Variants in LOXHD1 observed in about 807,000 individuals in gnomAD.
LOXHD1 encodes the protein lipoxygenase homology PLAT domains 1, also known as lipoxygenase homology domain-containing protein 1.
A neutral mutation model predicts 248.2 loss-of-function variants in LOXHD1; 205 were observed. That is an observed-to-expected ratio of 0.83 (90% CI 0.74 to 0.93). The LOEUF (loss-of-function observed/expected upper bound fraction) is 0.93, where lower values mean the gene tolerates loss of function less well. LOXHD1 is among the 40% of genes least tolerant of loss of function. The pLI, the probability that LOXHD1 is intolerant of heterozygous loss-of-function variation, is 0.00. For missense variants in LOXHD1, 2,930 were observed against 2,971.6 expected (o/e 0.99, Z 0.33); for synonymous variants, 1,113 against 1,162.8 (o/e 0.96, Z 0.87).
In LOXHD1 at chr18:46,534,252, G is replaced by A. The variant is rs1598937720; in HGVS notation, c.4212+83C>T. 7.9e-6 allele frequency: 7 copies of A among 886,716 alleles called. No homozygotes were observed. In the East Asian group the frequency reaches 1.3e-4, roughly 17 times the overall value. 54.9% of individuals were successfully genotyped at this position (886,716 alleles called of 1,614,324 possible). A position where few individuals can be genotyped will look rare whatever the true frequency, so the allele number is the denominator to read the frequency against. ...TATCTCAATAAGGCTGATCTAGCCAGTAGGTCCTCACAGGGAATTTGCCTT... is the reference window on the plus strand; with the variant it reads ...TATCTCAATAAGGCTGATCTAGCCAATAGGTCCTCACAGGGAATTTGCCTT... On this transcript the variant is annotated intron_variant, in intron 27 of 40. Transcript: ENST00000642948.
intron 23 of LOXHD1, among the ~76,000 whole-genome samples, chr18:46,544,479 A>T (rs1463745254): frequency 6.6e-6 from 1 of 152,256 alleles, no homozygotes; most frequent in Non-Finnish European, 1.5e-5. Context: ...TGACCTAATT[A>T]TATCATTATA....
chr18:46,597,169 G>A (rs1294005550), intron 8 of LOXHD1, among the ~76,000 whole-genome samples: 1 of 152,062 alleles, frequency 6.6e-6, no homozygotes, highest in Non-Finnish European at 1.5e-5. Flanking sequence ...GATTTCTAAG[G>A]TCCTTGCACT....
intron 4 of LOXHD1, among the ~76,000 whole-genome samples, chr18:46,622,653 T>A (rs2038684897): frequency 6.6e-6 from 1 of 152,202 alleles, no homozygotes; most frequent in Non-Finnish European, 1.5e-5. Context: ...TAGCTAAGCA[T>A]CTCAAGGCTC....
Position 46,548,802 on chromosome 18 carries a change from G to A in LOXHD1, c.3351-1744C>T, listed in dbSNP as rs147414742. Among the ~76,000 whole-genome samples, 17 of 152,198 alleles carry A rather than the reference G, an allele frequency of 1.1e-4. 1 individual carries two copies. The highest frequency in any genetic ancestry group is 3.6e-4 in the African/African-American group (15 of 41,540). On this transcript the variant is annotated intron_variant, in intron 21 of 40. Transcript: ENST00000642948. ...GGAGGGAGAGAAAAAAAGTCAAAGA[G>A]ACAGAAAAGGTACAAGCCCTCCCAT...
intron 1 of LOXHD1, among the ~76,000 whole-genome samples, chr18:46,654,551 G>T (rs760138603): frequency 1.8e-4 from 27 of 152,248 alleles, no homozygotes; most frequent in Non-Finnish European, 3.2e-4. Flanking sequence ...TGAGGGAGCT[G>T]CTCTCCTCCC....
chr18:46,599,789 G>A (rs898237378), intron 8 of LOXHD1, among the ~76,000 whole-genome samples: 25 of 151,982 alleles, frequency 1.6e-4, no homozygotes, highest in African/African-American at 4.8e-4. Flanking sequence ...AAAGAAACAT[G>A]AATGGCCAAT....
At chr18:46,499,569 G>A (rs1009173986) in intron 37 of LOXHD1, among the ~76,000 whole-genome samples, 1 of 152,184 alleles carries the variant, frequency 6.6e-6, no homozygotes, top group Non-Finnish European at 1.5e-5. Context: ...TGTCAGAATA[G>A]TCAGGAATAA....
intron 37 of LOXHD1, among the ~76,000 whole-genome samples, chr18:46,498,231 AC>A (rs1303916313): frequency 6.6e-6 from 1 of 152,064 alleles, no homozygotes; most frequent in Non-Finnish European, 1.5e-5. Context: ...CTGCAGTTAA[AC>A]CCTGCTGACT....
chr18:46,503,029 G>GTC (rs1442638526), intron 37 of LOXHD1, among the ~76,000 whole-genome samples: 2 of 152,166 alleles, frequency 1.3e-5, no homozygotes, highest in African/African-American at 4.8e-5. Context: ...TCTGGGGGGA[G>GTC]TCTCAATTAA....
At chr18:46,653,867 C>T (rs2039143924) in intron 1 of LOXHD1, among the ~76,000 whole-genome samples, 1 of 152,204 alleles carries the variant, frequency 6.6e-6, no homozygotes, top group African/African-American at 2.4e-5. Context: ...AACTCTTAAA[C>T]TCATTGACCT....
At chr18:46,602,650 T>C (rs1350026333) in intron 7 of LOXHD1, among the ~76,000 whole-genome samples, 1 of 152,190 alleles carries the variant, frequency 6.6e-6, no homozygotes, top group Admixed American at 6.5e-5. Flanking sequence ...CTTTGAGTGA[T>C]AATACATGCA....
chr18:46,495,759 C>A (rs1177718455), intron 37 of LOXHD1, among the ~76,000 whole-genome samples: 1 of 152,028 alleles, frequency 6.6e-6, no homozygotes, highest in Admixed American at 6.6e-5. Context: ...GGAAATTGAA[C>A]AATACAAATA....
chr18:46,512,001 C>G (rs370913169), intron 34 of LOXHD1, among the ~76,000 whole-genome samples: 6 of 152,276 alleles, frequency 3.9e-5, no homozygotes, highest in Admixed American at 3.9e-4. Context: ...CTTCAAACTC[C>G]CCTTGATTCT....
intron 10 of LOXHD1, 130 bp from the exon 11 acceptor site, chr18:46,592,714 A>G (rs898182058): frequency 9.6e-6 from 7 of 732,470 alleles, no homozygotes; most frequent in Non-Finnish European, 4.7e-6. Flanking sequence ...GTTTGCTTCA[A>G]TCAAGCCACC....
intron 20 of LOXHD1, chr18:46,559,170 C>T: frequency 1.4e-6 from 2 of 1,423,314 alleles, no homozygotes; most frequent in Non-Finnish European, 1.9e-6. Context: ...GCATCCCTAC[C>T]AAGTGCCTCA....
At chr18:46,633,382 TC>T (rs1215927455) in intron 4 of LOXHD1, among the ~76,000 whole-genome samples, 1 of 152,190 alleles carries the variant, frequency 6.6e-6, no homozygotes, top group Non-Finnish European at 1.5e-5. Context: ...GAAGGGACAG[TC>T]TTTTCAACAA....
At chr18:46,636,217 C>T (rs7234104) in intron 4 of LOXHD1, among the ~76,000 whole-genome samples, 8,081 of 152,238 alleles carry the variant, frequency 0.053, 269 homozygotes, top group South Asian at 0.1. Flanking sequence ...GATGCCATTC[C>T]CTTTAAGGGG....
At chr18:46,531,691 G>A (rs562480637) in intron 28 of LOXHD1, among the ~76,000 whole-genome samples, 7 of 151,622 alleles carry the variant, frequency 4.6e-5, no homozygotes, top group African/African-American at 1.4e-4. Flanking sequence ...CTCCCTCCCC[G>A]TCCCACCCAG....
intron 16 of LOXHD1, 72 bp downstream of exon 16, chr18:46,569,370 G>A: frequency 2.4e-6 from 3 of 1,250,036 alleles, no homozygotes; most frequent in Non-Finnish European, 3.4e-6. Context: ...ACATATGTGT[G>A]TGTGGACACG....
Sources: allele counts gnomAD v4.1 joint callset (sites outside exome capture counted in the v4.1 genomes callset), GRCh38; gene constraint gnomAD v4.1.1; transcripts MANE v1.5; gene names NCBI Gene and HGNC (gene_info 2026-07-23, HGNC 2026-07-21).